The following MROH1 variants were observed in gnomAD, a reference collection of about 807,000 sequenced individuals.
MROH1 encodes maestro heat-like repeat-containing protein family member 1.
In MROH1, 117 loss-of-function variants were observed where a neutral mutation model predicts 116.5. That is an observed-to-expected ratio of 1.00 (90% confidence interval 0.86 to 1.17). The LOEUF (loss-of-function observed/expected upper bound fraction) is 1.17. Ranked by LOEUF, MROH1 falls within the 50% of genes most tolerant of loss-of-function variation. MROH1 has a pLI of 0.00. For missense variants in MROH1, 1,873 were observed against 1,338.5 expected, an observed-to-expected ratio of 1.40 and a Z score of -6.23; for synonymous variants, 921 against 583.9, an observed-to-expected ratio of 1.58 and a Z score of -8.32.
intron 1 of MROH1, among the ~76,000 whole-genome samples, chr8:144,159,276 T>G (rs1488644078): frequency 3.9e-5 from 6 of 152,122 alleles, no homozygotes; most frequent in Admixed American, 3.9e-4. Flanking sequence ...GAGAATCACT[T>G]AAACCCGGAA....
intron 7 of MROH1, among the ~76,000 whole-genome samples, chr8:144,185,286 C>T (rs111788998): frequency 0.014 from 2,068 of 152,254 alleles, 37 homozygotes; most frequent in African/African-American, 0.045. Flanking sequence ...CAGGCCGTTG[C>T]AAGTTTTGTC....
intron 1 of MROH1, among the ~76,000 whole-genome samples, chr8:144,159,217 G>T (rs941224333): frequency 6.6e-6 from 1 of 152,182 alleles, no homozygotes; most frequent in African/African-American, 2.4e-5. Flanking sequence ...AATTAGCCAG[G>T]TATGGTGGCC....
intron 3 of MROH1, among the ~76,000 whole-genome samples, chr8:144,165,979 A>C (rs1271266314): frequency 2.6e-5 from 4 of 151,884 alleles, no homozygotes; most frequent in Non-Finnish European, 5.9e-5. Flanking sequence ...CTGAGGTTCA[A>C]GCAATTCTCC....
chr8:144,195,317 C>T (rs758263386), intron 10 of MROH1, among the ~76,000 whole-genome samples: 17 of 149,050 alleles, frequency 1.1e-4, no homozygotes, highest in South Asian at 8.5e-4. Context: ...CTCGATAACA[C>T]GGTGAAACCC....
At chr8:144,204,215 A>G (rs1365648637) in intron 12 of MROH1, among the ~76,000 whole-genome samples, 3 of 152,116 alleles carry the variant, frequency 2.0e-5, no homozygotes, top group Non-Finnish European at 4.4e-5. Flanking sequence ...TGCTCAAGCA[A>G]TTCTCCCACC....
At chr8:144,261,583 A>C in intron 43 of MROH1, 72 bp from the exon 44 acceptor site, 2 of 700,652 alleles carry the variant, frequency 2.9e-6, no homozygotes, top group Non-Finnish European at 2.6e-6. Flanking sequence ...CTGTCAGGAG[A>C]GCGTGGCCCA....
At chr8:144,225,878 G>C (rs1264380984) in intron 14 of MROH1, among the ~76,000 whole-genome samples, 1 of 142,406 alleles carries the variant, frequency 7.0e-6, no homozygotes, top group African/African-American at 2.6e-5. Flanking sequence ...TTAAGTTTTA[G>C]GATTCACATA....
Position 144,220,582 on chromosome 8 carries a change from C to A in MROH1, c.1142-18C>A. 3.2e-6 allele frequency: 5 copies of A among 1,561,820 alleles called. No individual in the cohort carries two copies. Among genetic ancestry groups the A allele is most frequent in the Non-Finnish European group, 4.3e-6 (5 of 1,152,904 alleles). On this transcript the variant is annotated intron_variant, in intron 12 of 43. Coordinates refer to ENST00000326134, the MANE Select transcript of MROH1 (RefSeq NM_032450.3). ...TCATCTCAGTGGTAGGCTGAGCTGT[C>A]CTGTTTGTTTCTTGCAGCTGCTCAG... is the stretch of plus-strand genomic sequence containing the variant.
intron 1 of MROH1, among the ~76,000 whole-genome samples, chr8:144,159,601 A>G (rs1292996334): frequency 6.6e-6 from 1 of 152,132 alleles, no homozygotes; most frequent in Non-Finnish European, 1.5e-5. Flanking sequence ...CGTAGTGTTA[A>G]CATATTTAAT....
At chr8:144,195,345 CA>C (rs1444840788) in intron 10 of MROH1, among the ~76,000 whole-genome samples, 1 of 149,222 alleles carries the variant, frequency 6.7e-6, no homozygotes, top group African/African-American at 2.4e-5. Flanking sequence ...ACTAAAAATG[CA>C]AAAAAATTAG....
At chr8:144,191,102 C>T (rs975364873) in intron 8 of MROH1, among the ~76,000 whole-genome samples, 167 bp downstream of exon 8, 1 of 152,148 alleles carries the variant, frequency 6.6e-6, no homozygotes, top group Non-Finnish European at 1.5e-5. Context: ...CAGAGTCTCA[C>T]TCTGTCACCC....
intron 12 of MROH1, among the ~76,000 whole-genome samples, chr8:144,205,706 A>ATT (rs1832684769): frequency 6.6e-6 from 1 of 152,064 alleles, no homozygotes; most frequent in East Asian, 1.9e-4. Flanking sequence ...CAGTCATAGC[A>ATT]TTTCAGTACC....
chr8:144,258,012 G>GC (rs1259818738), intron 35 of MROH1, among the ~76,000 whole-genome samples: 1 of 152,180 alleles, frequency 6.6e-6, no homozygotes, highest in African/African-American at 2.4e-5. Flanking sequence ...CACACACTAC[G>GC]CCCCACCCAC....
chr8:144,261,002 G>A lies in MROH1; in HGVS notation c.4632G>A (p.Leu1544=), dbSNP rs1554835511. The part of the protein sequence containing the change: ...FQKHLQEGRA[L]HFGEFLNTTC... ...AACACCTGCAGGAGGGCCGAGCCCTGCACTTCGGGGAGTTCCTCAACACCA... is the reference window on the plus strand; with the variant it reads ...AACACCTGCAGGAGGGCCGAGCCCTACACTTCGGGGAGTTCCTCAACACCA... Residue 1544 remains leucine, a synonymous_variant, in exon 41 of 44, where the codon CTG becomes CTA. Transcript: ENST00000326134. 1 of 704,836 alleles carries A rather than the reference G, an allele frequency of 1.4e-6. No homozygotes were observed. The highest frequency in any genetic ancestry group is 3.6e-4 in the Middle Eastern group (1 of 2,788). The allele number at this position is 704,836 out of a possible 1,614,324, so 43.7% of individuals were successfully genotyped here. A position where few individuals can be genotyped will look rare whatever the true frequency, so the allele number is the denominator to read the frequency against.
chr8:144,195,526 GAAAC>G (rs1456041351), intron 10 of MROH1, among the ~76,000 whole-genome samples: 4 of 70,772 alleles, frequency 5.7e-5, no homozygotes, highest in African/African-American at 2.0e-4. Context: ...AAAAAAAAAA[GAAAC>G]AGAGTCTCAC....
chr8:144,249,044 G>A lies in MROH1; in HGVS notation c.3273+15G>A, dbSNP rs1003310555. 2.9e-6 allele frequency: 2 copies of A among 696,762 alleles called. No individual in the cohort carries two copies. The highest frequency in any genetic ancestry group is 3.5e-5 in the African/African-American group (2 of 56,428). The allele number at this position is 696,762 out of a possible 1,614,324, so 43.2% of individuals were successfully genotyped here. ...TCCAGGAGAAGGTGGGAGAGGGCGG[G>A]GCGCGGGGGGTGCTCCAGGAGAAGG... is the stretch of plus-strand genomic sequence containing the variant. On this transcript the variant is annotated intron_variant, in intron 32 of 43. Coordinates refer to ENST00000326134, the MANE Select transcript of MROH1 (RefSeq NM_032450.3).
chr8:144,231,931 G>T (rs1471509443), intron 14 of MROH1, among the ~76,000 whole-genome samples: 1 of 152,212 alleles, frequency 6.6e-6, no homozygotes, highest in Non-Finnish European at 1.5e-5. Context: ...TATACTCGGG[G>T]TACCTGTGAT....
At chr8:144,215,907 C>G (rs1176091064) in intron 12 of MROH1, among the ~76,000 whole-genome samples, 1 of 150,162 alleles carries the variant, frequency 6.7e-6, no homozygotes, top group Non-Finnish European at 1.5e-5. Context: ...GAAACACGGG[C>G]TGGGTGCGGT....
chr8:144,180,178 G>T lies in MROH1; in HGVS notation c.301G>T (p.Asp101Tyr), dbSNP rs781020694. The T allele has an allele frequency of 6.2e-7, 1 of 1,613,854 alleles. No individual in the cohort carries two copies. Among genetic ancestry groups the T allele is most frequent in the Non-Finnish European group, 8.5e-7 (1 of 1,179,808 alleles). ...LASSEMTKTK[D>Y]LVWDWQQAAS... is the part of the protein sequence containing the mutation. ...CTACCTGCCGGTGTTTTGGGTTCAG[G>T]ACCTGGTCTGGGACTGGCAGCAGGC... The change falls in exon 6 of 44, where the codon GAC becomes TAC. Residue 101 changes from aspartate to tyrosine, a missense_variant and splice_region_variant. Asp to Tyr is a radical substitution (Grantham distance 160). Transcript: ENST00000326134. This position sits in a 1 kb window ranked among gnomAD's most constrained non-coding sequence, Gnocchi z 7.4.
Sources: gnomAD v4.1 joint callset for allele counts (sites outside exome capture counted in the v4.1 genomes callset) on GRCh38, gnomAD v4.1.1 for gene constraint, Gnocchi (gnomAD v3.1) non-coding constraint, MANE v1.5 for transcripts, NCBI Gene and HGNC (gene_info 2026-07-23, HGNC 2026-07-21) for gene names.